GPC5: variants seen among roughly 807,000 people sequenced by gnomAD.
GPC5 encodes glypican-5.
GPC5 carries 47 observed loss-of-function variants against 53.9 expected under a neutral mutation model. That is an observed-to-expected ratio of 0.87 (90% CI 0.69 to 1.11). The LOEUF (loss-of-function observed/expected upper bound fraction) is 1.11, where lower values mean the gene tolerates loss of function less well. GPC5 is among the 50% of genes most tolerant of loss of function. GPC5 has a pLI of 0.00. For missense variants in GPC5, 748 were observed against 713.1 expected, an observed-to-expected ratio of 1.05 and a Z score of -0.56; for synonymous variants, 286 against 263.3, an observed-to-expected ratio of 1.09 and a Z score of -0.84.
At chr13:92,791,849 CAT>C (rs1876475823) in intron 7 of GPC5, among the ~76,000 whole-genome samples, 1 of 151,910 alleles carries the variant, frequency 6.6e-6, no homozygotes, top group East Asian at 1.9e-4. Context: ...GTAGTAGAAA[CAT>C]ATATAACATA....
chr13:91,587,601 T>G (rs551292847), intron 2 of GPC5, among the ~76,000 whole-genome samples: 2 of 152,294 alleles, frequency 1.3e-5, no homozygotes, highest in South Asian at 4.1e-4. Context: ...TTCTCTTTTA[T>G]GAAACATTTT....
rs573960466 is a variant in GPC5 at position 92,575,883 on chromosome 13, G to T, written c.1562-290399G>T. Among the ~76,000 whole-genome samples the T allele has an allele frequency of 2.4e-4, 36 of 152,270 alleles. No homozygotes were observed. The South Asian group carries it at 7.1e-3, about 30-fold the overall frequency. On this transcript the variant is annotated intron_variant, in intron 7 of 7. Coordinates refer to ENST00000377067, the MANE Select transcript of GPC5 (RefSeq NM_004466.6). ...GAGAAAGCATTCAACTACAAGAAAA[G>T]AGATTTAATTTTTGGTTCCCTGGCA...
chr13:92,786,929 G>A (rs1022479834), intron 7 of GPC5, among the ~76,000 whole-genome samples: 7 of 152,168 alleles, frequency 4.6e-5, no homozygotes, highest in African/African-American at 9.7e-5. Flanking sequence ...CCCCTGGAAG[G>A]AGCCTGAAAA....
intron 7 of GPC5, among the ~76,000 whole-genome samples, chr13:92,261,197 G>T (rs1186250081): frequency 1.3e-5 from 2 of 152,074 alleles, no homozygotes; most frequent in Non-Finnish European, 1.5e-5. Context: ...AGTGACAACT[G>T]AACACTAGTT....
rs183074333 is a variant in GPC5, at chr13:91,977,919, C to G, written c.1401+69862C>G. Among the ~76,000 whole-genome samples, 774 of 148,530 alleles carry G rather than the reference C, an allele frequency of 5.2e-3. 2 individuals carry two copies. Among genetic ancestry groups the G allele is most frequent in the Admixed American group, 8.6e-3 (128 of 14,946 alleles). On this transcript the variant is annotated intron_variant, in intron 6 of 7. Coordinates refer to ENST00000377067, the MANE Select transcript of GPC5 (RefSeq NM_004466.6). ...TTGTGCCCAGGAGTTCAAGACCAGC[C>G]TTGGAAACATAACGAGACCGCCATC...
Position 92,521,508 on chromosome 13 carries a change from C to T in GPC5, c.1562-344774C>T, listed in dbSNP as rs191404218. ...ACCATCTGATCTTTGACAAACCTGA[C>T]AAAAACAAGAAATGGGGAAAGGATT... is the stretch of plus-strand genomic sequence containing the variant. On this transcript the variant is annotated intron_variant, in intron 7 of 7. Transcript: ENST00000377067. 2.2e-3 allele frequency among the ~76,000 whole-genome samples: 336 copies of T among 152,156 alleles called. 2 individuals carry two copies. Among genetic ancestry groups the T allele is most frequent in the African/African-American group, 7.7e-3 (318 of 41,532 alleles).
chr13:92,185,878 C>A (rs905672640), intron 7 of GPC5, among the ~76,000 whole-genome samples: 1 of 152,026 alleles, frequency 6.6e-6, no homozygotes, highest in African/African-American at 2.4e-5. Context: ...ATAAAGCAAG[C>A]ATCATTGTTT....
intron 7 of GPC5, among the ~76,000 whole-genome samples, chr13:92,189,921 GAACAGAAGT>G (rs2042211617): frequency 1.3e-5 from 2 of 152,034 alleles, no homozygotes; most frequent in South Asian, 4.1e-4. Flanking sequence ...AGAAGGAAAG[GAACAGAAGT>G]AACATTGGGA....
intron 6 of GPC5, among the ~76,000 whole-genome samples, chr13:92,056,895 A>G (rs1328889513): frequency 6.6e-6 from 1 of 152,206 alleles, no homozygotes; most frequent in African/African-American, 2.4e-5. Flanking sequence ...CAAATATCAT[A>G]AAACAGTCTC....
intron 7 of GPC5, among the ~76,000 whole-genome samples, chr13:92,176,764 T>C (rs964050828): frequency 6.6e-6 from 1 of 152,150 alleles, no homozygotes; most frequent in Admixed American, 6.5e-5. Context: ...CAAGCACTTC[T>C]CAGCCCCTAG....
chr13:92,419,708 T>G (rs2139360433), intron 7 of GPC5, among the ~76,000 whole-genome samples: 1 of 152,302 alleles, frequency 6.6e-6, no homozygotes, highest in Non-Finnish European at 1.5e-5. Context: ...CCAGCATGGT[T>G]TAACATTTAT....
intron 7 of GPC5, among the ~76,000 whole-genome samples, chr13:92,328,423 A>G (rs1182483331): frequency 6.6e-6 from 1 of 152,198 alleles, no homozygotes; most frequent in Non-Finnish European, 1.5e-5. Flanking sequence ...AACAAGTAAG[A>G]AAGATCTGAA....
chr13:92,611,395 A>G (rs1301508753), intron 7 of GPC5, among the ~76,000 whole-genome samples: 2 of 152,132 alleles, frequency 1.3e-5, no homozygotes, highest in Non-Finnish European at 2.9e-5. Flanking sequence ...GACTGCTGAG[A>G]TTCCACTTGA....
chr13:92,264,584 A>G (rs1323951240), intron 7 of GPC5, among the ~76,000 whole-genome samples: 4 of 152,098 alleles, frequency 2.6e-5, no homozygotes, highest in Non-Finnish European at 2.9e-5. Flanking sequence ...CAAAACACCA[A>G]GAACCTGGAT....
At chr13:92,768,445 T>G (rs951314625) in intron 7 of GPC5, among the ~76,000 whole-genome samples, 9 of 152,208 alleles carry the variant, frequency 5.9e-5, no homozygotes, top group African/African-American at 1.7e-4. Context: ...TTCTACACTG[T>G]GCTCCTTTGA....
At chr13:92,648,377 T>G (rs1386553742) in intron 7 of GPC5, among the ~76,000 whole-genome samples, 3 of 151,952 alleles carry the variant, frequency 2.0e-5, no homozygotes, top group Non-Finnish European at 4.4e-5. Context: ...AGCACCATAC[T>G]AATCATTTTA....
At chr13:91,526,446 A>G (rs1470286041) in intron 2 of GPC5, among the ~76,000 whole-genome samples, 1 of 152,226 alleles carries the variant, frequency 6.6e-6, no homozygotes, top group Non-Finnish European at 1.5e-5. Flanking sequence ...TATTTCTTCC[A>G]AGATAAGAAA....
intron 7 of GPC5, among the ~76,000 whole-genome samples, chr13:92,817,655 T>G (rs1464751696): frequency 1.3e-5 from 2 of 152,008 alleles, no homozygotes; most frequent in South Asian, 4.1e-4. Context: ...CTTTGGAAAT[T>G]TTATTTTCTA....
chr13:91,563,807 G>T (rs781714592), intron 2 of GPC5, among the ~76,000 whole-genome samples: 5 of 151,708 alleles, frequency 3.3e-5, no homozygotes, highest in Non-Finnish European at 7.4e-5. Context: ...CAATGTTGCT[G>T]CCAGCCTCCT....
Sources: allele counts gnomAD v4.1 joint callset (sites outside exome capture counted in the v4.1 genomes callset), GRCh38; gene constraint gnomAD v4.1.1; transcripts MANE v1.5; gene names NCBI Gene and HGNC (gene_info 2026-07-23, HGNC 2026-07-21).